PNPLA7: variants seen among roughly 807,000 people sequenced by gnomAD.
PNPLA7 encodes the protein patatin like domain 7, lysophospholipase.
A neutral mutation model predicts 161.7 loss-of-function variants in PNPLA7; 153 were observed. The observed-to-expected ratio is 0.95, with a 90% CI of 0.83 to 1.08. The LOEUF is 1.08. Among genes scored for constraint, PNPLA7 ranks in the 50% least tolerant of loss-of-function variants. The pLI, the probability that PNPLA7 is intolerant of heterozygous loss-of-function variation, is 0.00. For synonymous variants in PNPLA7, 809 were observed against 782.1 expected (o/e 1.03, Z -0.57); for missense variants, 1,739 against 1,856.6 (o/e 0.94, Z 1.16).
intron 12 of PNPLA7, among the ~76,000 whole-genome samples, chr9:137,511,460 C>T (rs1185874671): frequency 1.3e-5 from 2 of 150,960 alleles, no homozygotes; most frequent in Admixed American, 6.6e-5. Context: ...GGAAGGCACC[C>T]GTTACTCAGC....
At chr9:137,509,987 G>C (rs1012327503) in intron 12 of PNPLA7, among the ~76,000 whole-genome samples, 1 of 152,166 alleles carries the variant, frequency 6.6e-6, no homozygotes, top group Non-Finnish European at 1.5e-5. Flanking sequence ...GCCATACAGA[G>C]ATAGGAGCTG....
At chr9:137,487,390 T>C (rs1055203793) in intron 20 of PNPLA7, among the ~76,000 whole-genome samples, 1 of 152,174 alleles carries the variant, frequency 6.6e-6, no homozygotes, top group African/African-American at 2.4e-5. Flanking sequence ...TGGCCAAGTG[T>C]CGCCGTGGGG....
At chr9:137,517,577 T>A (rs868337113) in intron 11 of PNPLA7, among the ~76,000 whole-genome samples, 2 of 60,952 alleles carry the variant, frequency 3.3e-5, no homozygotes, top group Non-Finnish European at 3.4e-5. Flanking sequence ...ACTCCATCCC[T>A]CACTCACTCA....
rs1005904495 is a variant in PNPLA7, at chr9:137,486,827, C to T, written c.2198-2091G>A. Among the ~76,000 whole-genome samples, 7 of 152,136 alleles carry T rather than the reference C, an allele frequency of 4.6e-5. No homozygotes were observed. The highest frequency in any genetic ancestry group is 1.7e-4 in the African/African-American group (7 of 41,418). ...TGCTCAAAGCCCCTGGTGCCCCTCC[C>T]CACTCAGAACAAGCCAGAGTCTGCA... On this transcript the variant is annotated intron_variant, in intron 20 of 34. Transcript: ENST00000406427. The surrounding 1 kb of genome is among the most constrained non-coding windows in gnomAD (Gnocchi z 6.0).
chr9:137,515,526 G>C lies in PNPLA7; in HGVS notation c.1085-7C>G, dbSNP rs947896844. ...GGGCGGCCGCCCCCGTGATCTGCTG[G>C]GGAGGCAGCCGTAAGCAACCTTGTT... On this transcript the variant is annotated splice_region_variant and splice_polypyrimidine_tract_variant and intron_variant, in intron 11 of 34. Coordinates refer to ENST00000406427, the MANE Select transcript of PNPLA7 (RefSeq NM_001098537.3). 2.6e-6 allele frequency: 4 copies of C among 1,539,170 alleles called. No individual in the cohort carries two copies. Among genetic ancestry groups the C allele is most frequent in the Non-Finnish European group, 2.6e-6 (3 of 1,146,204 alleles).
intron 30 of PNPLA7, 65 bp downstream of exon 30, chr9:137,462,620 A>T (rs1391525309): frequency 6.3e-7 from 1 of 1,575,876 alleles, no homozygotes; most frequent in African/African-American, 1.3e-5. Flanking sequence ...CCCCTGCCGC[A>T]GGACAGGTGT....
At chr9:137,479,473 C>A in intron 23 of PNPLA7, 1 of 1,227,870 alleles carries the variant, frequency 8.1e-7, no homozygotes, top group South Asian at 3.9e-5. Context: ...GGGGACGCCT[C>A]CTCTTTCTGT....
At chr9:137,502,739 A>ACGG (rs1833547415) in intron 14 of PNPLA7, among the ~76,000 whole-genome samples, 1 of 10,332 alleles carries the variant, frequency 9.7e-5, no homozygotes, top group Non-Finnish European at 1.9e-4. Context: ...GGGGGGGACG[A>ACGG]GAGGGATGTG....
chr9:137,462,618 G>A (rs544189968), intron 30 of PNPLA7, 67 bp downstream of exon 30: 26 of 1,570,658 alleles, frequency 1.7e-5, no homozygotes, highest in African/African-American at 4.1e-5. Context: ...CTCCCCTGCC[G>A]CAGGACAGGT....
chr9:137,495,874 C>T (rs1034712450), intron 18 of PNPLA7, among the ~76,000 whole-genome samples: 5 of 152,232 alleles, frequency 3.3e-5, no homozygotes, highest in Non-Finnish European at 5.9e-5. Flanking sequence ...AACCACCAGG[C>T]TGCACATAAA....
chr9:137,463,496 G>T lies in PNPLA7; in HGVS notation c.3262C>A (p.Leu1088Met), dbSNP rs753724484. The part of the protein sequence containing the change: ...LWWYVRASMS[L>M]SGYMPPLCDP... ...CAGAGAGGGGGCATGTAACCGGACAGGGACATGCTGGCACGCACGTACCAC... is the reference window on the plus strand; with the variant it reads ...CAGAGAGGGGGCATGTAACCGGACATGGACATGCTGGCACGCACGTACCAC... The change falls in exon 29 of 35, where the codon CTG becomes ATG. Residue 1088 changes from leucine to methionine, a missense_variant. Physicochemically the swap from Leu to Met is conservative, Grantham distance 15. Around this residue, in one of 6 missense-constraint regions of PNPLA7, gnomAD observed 703 missense variants for 694.6 expected, o/e 1.01. Coordinates refer to ENST00000406427, the MANE Select transcript of PNPLA7 (RefSeq NM_001098537.3). 1 of 1,589,130 alleles carries T rather than the reference G, an allele frequency of 6.3e-7. No individual in the cohort carries two copies. Among genetic ancestry groups the T allele is most frequent in the East Asian group, 2.3e-5 (1 of 43,762 alleles).
intron 8 of PNPLA7, among the ~76,000 whole-genome samples, chr9:137,535,368 G>A (rs1835825873): frequency 6.6e-6 from 1 of 152,062 alleles, no homozygotes; most frequent in African/African-American, 2.4e-5. Flanking sequence ...AACAACTCAG[G>A]GAGCAAAAGA....
At chr9:137,472,119 G>T (rs1237683835) in intron 25 of PNPLA7, among the ~76,000 whole-genome samples, 4 of 151,690 alleles carry the variant, frequency 2.6e-5, no homozygotes, top group Non-Finnish European at 5.9e-5. Context: ...ACCCAGCAAG[G>T]TCCAGATGGG....
chr9:137,540,589 G>A lies in PNPLA7; in HGVS notation c.747+53C>T, dbSNP rs1836140562. On this transcript the variant is annotated intron_variant, in intron 8 of 34. Transcript: ENST00000406427. This position sits in a 1 kb window ranked among gnomAD's most constrained non-coding sequence, Gnocchi z 5.1. ...TGTCCAGACAAGACAGAAAAACCAG[G>A]CCTCCGGGGCCAACCCAGGGGCGCC... is the stretch of plus-strand genomic sequence containing the variant. 6.7e-7 allele frequency: 1 copy of A among 1,484,576 alleles called. No individual in the cohort carries two copies. Among genetic ancestry groups the A allele is most frequent in the East Asian group, 2.4e-5 (1 of 41,858 alleles). 92.0% of individuals were successfully genotyped at this position (1,484,576 alleles called of 1,614,324 possible).
At chr9:137,544,239 C>T (rs556551962) in intron 4 of PNPLA7, among the ~76,000 whole-genome samples, 24 of 152,372 alleles carry the variant, frequency 1.6e-4, no homozygotes, top group African/African-American at 5.5e-4. Flanking sequence ...TGTCCCATAT[C>T]TGGAACAGTC....
chr9:137,514,231 C>G (rs564801339), intron 12 of PNPLA7, among the ~76,000 whole-genome samples: 76 of 121,156 alleles, frequency 6.3e-4, no homozygotes, highest in African/African-American at 8.4e-4. Context: ...TTGATGTGCC[C>G]GGGCCCTGTG....
rs546996448 is a variant in PNPLA7 at position 137,473,882 on chromosome 9, C to T, written c.2882+4152G>A. ...TAAAACAATACAACTGCCCCACGAC[C>T]GGGCACTTACACTCCTAGGCATTTG... On this transcript the variant is annotated intron_variant, in intron 25 of 34. Transcript: ENST00000406427. Among the ~76,000 whole-genome samples the T allele has an allele frequency of 6.6e-5, 10 of 152,308 alleles. No homozygotes were observed. The East Asian group carries it at 7.7e-4, about 12-fold the overall frequency.
Position 137,500,625 on chromosome 9 carries a change from G to C in PNPLA7, c.1757+66C>G. 6.7e-7 allele frequency: 1 copy of C among 1,488,658 alleles called. No individual in the cohort carries two copies. The allele number at this position is 1,488,658 out of a possible 1,614,324, so 92.2% of individuals were successfully genotyped here. On this transcript the variant is annotated intron_variant, in intron 16 of 34. Transcript: ENST00000406427. This position sits in a 1 kb window ranked among gnomAD's most constrained non-coding sequence, Gnocchi z 5.5. ...AGAGCACCAGGAAGAGGCCGGCCAC[G>C]CGGGGAGGGGTCTCAGGGCAGGGGG...
intron 26 of PNPLA7, chr9:137,464,827 T>C: frequency 3.8e-6 from 1 of 260,200 alleles, no homozygotes; most frequent in Admixed American, 4.9e-5. Context: ...GGAGGAGAGC[T>C]CGGGGCGGGC....
Sources: allele counts gnomAD v4.1 joint callset (sites outside exome capture counted in the v4.1 genomes callset), GRCh38; gene constraint gnomAD v4.1.1; regional missense constraint gnomAD v4.1.1; non-coding constraint Gnocchi (gnomAD v3.1); transcripts MANE v1.5; gene names NCBI Gene and HGNC (gene_info 2026-07-23, HGNC 2026-07-21).